Variants in CTNNA2 observed in about 807,000 individuals in gnomAD.
The protein encoded by CTNNA2 is catenin alpha-2.
A neutral mutation model predicts 101.0 loss-of-function variants in CTNNA2; 42 were observed. That is an observed-to-expected ratio of 0.42 (90% CI 0.32 to 0.54). The LOEUF is 0.54. Ranked by LOEUF, CTNNA2 falls within the 20% of genes least tolerant of loss-of-function variation. CTNNA2 has a pLI of 0.14. For synonymous variants in CTNNA2, 450 were observed against 456.4 expected, an observed-to-expected ratio of 0.99 and a Z score of 0.18; for missense variants, 871 against 1,223.1, an observed-to-expected ratio of 0.71 and a Z score of 4.29.
intron 3 of CTNNA2, among the ~76,000 whole-genome samples, chr2:79,330,345 G>T (rs1049087950): frequency 1.3e-5 from 2 of 152,098 alleles, no homozygotes; most frequent in Admixed American, 6.5e-5. Context: ...AACAACTGAG[G>T]GTTGAGTCAG....
intron 4 of CTNNA2, among the ~76,000 whole-genome samples, chr2:79,864,892 T>C (rs1461575804): frequency 3.3e-5 from 5 of 152,114 alleles, no homozygotes; most frequent in Admixed American, 3.3e-4. Flanking sequence ...CGGATAAGCA[T>C]AGGGAATAAG....
Position 79,761,251 on chromosome 2 carries a change from C to T in CTNNA2, c.298+16669C>T, listed in dbSNP as rs1254846615. Among the ~76,000 whole-genome samples, 8 of 151,940 alleles carry T rather than the reference C, an allele frequency of 5.3e-5. No homozygotes were observed. In the South Asian group the frequency reaches 6.2e-4, roughly 12 times the overall value. On this transcript the variant is annotated intron_variant, in intron 3 of 18. Coordinates refer to ENST00000402739, the MANE Select transcript of CTNNA2 (RefSeq NM_001282597.3). ...GTTCACATTTTTTGCCATTTCAGTG[C>T]GTGTGACCATAAGGATTTAATGAGC...
At chr2:80,434,446 C>T (rs892793651) in intron 9 of CTNNA2, among the ~76,000 whole-genome samples, 3 of 146,076 alleles carry the variant, frequency 2.1e-5, no homozygotes, top group East Asian at 2.0e-4. Context: ...ATCGCTACTT[C>T]GATTGTTGTC....
chr2:80,228,126 T>C (rs6718058), intron 7 of CTNNA2, among the ~76,000 whole-genome samples: 21,651 of 152,228 alleles, frequency 0.14, 3,770 homozygotes, highest in African/African-American at 0.42. Context: ...GGTCAGGATC[T>C]GTGTTCAGCA....
At chr2:79,486,488 G>A (rs1671159453) in intron 4 of CTNNA2, among the ~76,000 whole-genome samples, 1 of 152,060 alleles carries the variant, frequency 6.6e-6, no homozygotes, top group Non-Finnish European at 1.5e-5. Context: ...TGGACATTTG[G>A]GTTGGTTCCA....
At chr2:79,704,510 CTT>C (rs780311540) in intron 2 of CTNNA2, among the ~76,000 whole-genome samples, 7 of 127,554 alleles carry the variant, frequency 5.5e-5, no homozygotes, top group Non-Finnish European at 9.9e-5. Context: ...ACTTGTGCTT[CTT>C]TTTTTTTTTT....
chr2:80,360,186 A>AT (rs1475840836), intron 7 of CTNNA2, among the ~76,000 whole-genome samples: 2 of 152,026 alleles, frequency 1.3e-5, no homozygotes, highest in Non-Finnish European at 2.9e-5. Flanking sequence ...CTGATACTTA[A>AT]TTTTTTCTGG....
chr2:80,317,261 T>A (rs775481593), intron 7 of CTNNA2, among the ~76,000 whole-genome samples: 1 of 152,178 alleles, frequency 6.6e-6, no homozygotes, highest in Non-Finnish European at 1.5e-5. Flanking sequence ...TTCACCAGCA[T>A]CCTCATAACC....
chr2:80,211,070 T>G (rs1707860240), intron 7 of CTNNA2, among the ~76,000 whole-genome samples: 1 of 152,188 alleles, frequency 6.6e-6, no homozygotes. Context: ...GTTGTTTGAT[T>G]TTTTCTTGTA....
chr2:79,789,827 A>G (rs1332394921), intron 3 of CTNNA2, among the ~76,000 whole-genome samples: 1 of 151,988 alleles, frequency 6.6e-6, no homozygotes, highest in Non-Finnish European at 1.5e-5. Flanking sequence ...TGGCATATTA[A>G]TATTTGGATA....
At chr2:79,651,300 G>A (rs1290549865) in intron 1 of CTNNA2, among the ~76,000 whole-genome samples, 1 of 152,082 alleles carries the variant, frequency 6.6e-6, no homozygotes, top group Non-Finnish European at 1.5e-5. Flanking sequence ...ATATTTCAGT[G>A]GCTATTGGGT....
chr2:79,791,056 G>C (rs1340211119), intron 3 of CTNNA2, among the ~76,000 whole-genome samples: 2 of 152,112 alleles, frequency 1.3e-5, no homozygotes, highest in Non-Finnish European at 2.9e-5. Flanking sequence ...TTCAACTTTT[G>C]ATTCATGGCT....
At chr2:79,526,917 T>C (rs1004282493) in intron 1 of CTNNA2, among the ~76,000 whole-genome samples, 3 of 152,156 alleles carry the variant, frequency 2.0e-5, no homozygotes, top group Admixed American at 2.0e-4. Flanking sequence ...CTTAGTGACC[T>C]TGGATTAGGC....
chr2:80,117,614 C>T (rs1194748583), intron 7 of CTNNA2, among the ~76,000 whole-genome samples: 1 of 152,040 alleles, frequency 6.6e-6, no homozygotes, highest in Middle Eastern at 3.2e-3. Context: ...TGCCCCAACC[C>T]CCTGTGAAGT....
chr2:79,691,141 G>A (rs190780840), intron 2 of CTNNA2, among the ~76,000 whole-genome samples: 2 of 152,022 alleles, frequency 1.3e-5, no homozygotes, highest in African/African-American at 2.4e-5. Flanking sequence ...CTACTTTAAG[G>A]TGAAATATAG....
intron 2 of CTNNA2, among the ~76,000 whole-genome samples, chr2:79,290,434 C>G (rs1248274124): frequency 6.6e-6 from 1 of 152,126 alleles, no homozygotes. Context: ...GCCCACGGAC[C>G]TAGGTGAGGA....
intron 7 of CTNNA2, among the ~76,000 whole-genome samples, chr2:79,991,449 C>T (rs1483811728): frequency 1.3e-5 from 2 of 151,980 alleles, no homozygotes; most frequent in African/African-American, 2.4e-5. Flanking sequence ...GACTTAATTT[C>T]TCTAGATCTC....
intron 2 of CTNNA2, among the ~76,000 whole-genome samples, chr2:79,704,622 CCTGCCTCAGCCTCCCAAGTAG>C (rs1413545396): frequency 6.6e-6 from 1 of 151,192 alleles, no homozygotes; most frequent in Admixed American, 6.6e-5. Context: ...ACGCCATTCT[CCTGCCTCAGCCTCCCAAGTAG>C]CTGGGACTAC....
intron 2 of CTNNA2, among the ~76,000 whole-genome samples, chr2:79,210,116 T>TGTGTGTGTGTGTGTGTGTGTGTGTG: frequency 1.4e-5 from 1 of 71,960 alleles, no homozygotes; most frequent in Admixed American, 1.5e-4. Flanking sequence ...GTGTGTGTGT[T>TGTGTGTGTGTGTGTGTGTGTGTGTG]TAAGCAGAAG....
Sources: allele counts gnomAD v4.1 joint callset (sites outside exome capture counted in the v4.1 genomes callset), GRCh38; gene constraint gnomAD v4.1.1; transcripts MANE v1.5; gene names NCBI Gene and HGNC (gene_info 2026-07-23, HGNC 2026-07-21).